The following CAPN15 variants were observed in gnomAD, a reference collection of about 807,000 sequenced individuals.
The protein encoded by CAPN15 is calpain-15.
Under a neutral mutation model 97.9 loss-of-function variants are expected in CAPN15, and 53 were observed. That is an observed-to-expected ratio of 0.54 (90% confidence interval 0.43 to 0.68). The LOEUF is 0.68. Ranked by LOEUF, CAPN15 falls within the 30% of genes least tolerant of loss-of-function variation. CAPN15 has a pLI of 0.00. For missense variants in CAPN15, 1,592 were observed against 1,589.8 expected (o/e 1.00, Z -0.02); for synonymous variants, 922 against 722.5 (o/e 1.28, Z -4.43).
chr16:528,815 C>T, intron 1 of CAPN15: 1 of 951,052 alleles, frequency 1.1e-6, no homozygotes. Flanking sequence ...CCGTTGGGTG[C>T]TGAAGAGTTG....
In CAPN15 at chr16:552,303, G is replaced by T; in HGVS notation, c.2510G>T (p.Arg837Leu). The change falls in exon 11 of 14, where the codon CGC becomes CTC. Residue 837 changes from arginine to leucine, a missense_variant and splice_region_variant. Arg to Leu is a moderately radical substitution (Grantham distance 102, BLOSUM62 -2). This residue lies in a region of CAPN15 where 644 missense variants were observed against 699.6 expected (regional missense o/e 0.92). Coordinates refer to ENST00000219611, the MANE Select transcript of CAPN15 (RefSeq NM_005632.3). This position sits in a 1 kb window ranked among gnomAD's most constrained non-coding sequence, Gnocchi z 6.4. ...EFALFQEGSR[R>L]SDAVDSHLLD... is the part of the protein sequence containing the mutation. ...CTGGCCCGTGGTGTCTGGCGCAGGC[G>T]CTCGGACGCCGTGGACAGCCACCTG... The T allele has an allele frequency of 6.4e-7, 1 of 1,554,384 alleles. No homozygotes were observed. Among genetic ancestry groups the T allele is most frequent in the Non-Finnish European group, 8.7e-7 (1 of 1,154,412 alleles).
In CAPN15 at chr16:554,034, G is replaced by A. The variant is rs565728236; in HGVS notation, c.*518G>A. The A allele has an allele frequency of 6.6e-4, 118 of 178,850 alleles. No individual in the cohort carries two copies. Among genetic ancestry groups the A allele is most frequent in the African/African-American group, 2.0e-3 (85 of 42,138 alleles). 11.1% of individuals were successfully genotyped at this position (178,850 alleles called of 1,614,324 possible). ...GGTGTGGAGCGGCGAGTCCCGGGGC[G>A]GTGCCTGTCTCAGAAGAAGGGGCCC... On this transcript the variant is annotated 3_prime_UTR_variant, in exon 14 of 14. Transcript: ENST00000219611.
chr16:545,374 G>A (rs935820823), intron 3 of CAPN15, among the ~76,000 whole-genome samples: 3 of 147,640 alleles, frequency 2.0e-5, no homozygotes, highest in Non-Finnish European at 3.0e-5. Context: ...CTTCCACCTC[G>A]GCCCACCGAG....
At chr16:548,944 GAGC>G in intron 4 of CAPN15, 46 bp from the exon 5 acceptor site, 1 of 1,573,290 alleles carries the variant, frequency 6.4e-7, no homozygotes, top group Non-Finnish European at 8.7e-7. Flanking sequence ...CTGCCAGGTG[GAGC>G]GAGGCCACCC....
chr16:549,008 G>C lies in CAPN15; in HGVS notation c.1465G>C (p.Val489Leu). Residue 489 changes from valine (V) to leucine (L), a missense_variant, in exon 5 of 14, where the codon GTG (valine) becomes CTG (leucine). Transcript: ENST00000219611. ...GTCTCTGCAGAACAATGTGAGCTTC[G>C]TGGATGACAGCTTCCCTCCCGGGCC... The part of the protein sequence containing the change: ...AFCRENNVSF[V>L]DDSFPPGPES... 1 of 1,612,716 alleles carries C rather than the reference G, an allele frequency of 6.2e-7. No homozygotes were observed. The highest frequency in any genetic ancestry group is 8.5e-7 in the Non-Finnish European group (1 of 1,179,922).
Position 544,707 on chromosome 16 carries a change from CCTCCCCCA to C in CAPN15, c.-22-2108_-22-2101del, listed in dbSNP as rs1567145965. Reference sequence around the variant, plus strand: ...GCGGCCCGTCGCCTCCCCCACGTCGCCTCCCCCACGTCGCCTCCCCCACGTCGCCTCCC... The same window carrying C: ...GCGGCCCGTCGCCTCCCCCACGTCGCCGTCGCCTCCCCCACGTCGCCTCCC... On this transcript the variant is annotated intron_variant, in intron 3 of 13. Transcript: ENST00000219611. 3.7e-3 allele frequency among the ~76,000 whole-genome samples: 416 copies of C among 113,110 alleles called. 18 individuals carry two copies. Among genetic ancestry groups the C allele is most frequent in the African/African-American group, 0.019 (392 of 20,286 alleles). 74.2% of individuals were successfully genotyped at this position (113,110 alleles called of 152,430 possible). A position where few individuals can be genotyped will look rare whatever the true frequency, so the allele number is the denominator to read the frequency against.
rs763452623 is a variant in CAPN15 at position 549,481 on chromosome 16, C to A, written c.1842+10C>A. On this transcript the variant is annotated intron_variant, in intron 6 of 13. Coordinates refer to ENST00000219611, the MANE Select transcript of CAPN15 (RefSeq NM_005632.3). The stretch of plus-strand genomic sequence containing the variant: ...CCTCCTCTTCTCACAGGTGGGGCGG[C>A]CTGCAGGGTGGGCACGGGCGGCAGG... The A allele has an allele frequency of 5.1e-6, 8 of 1,581,376 alleles. No individual in the cohort carries two copies. Among genetic ancestry groups the A allele is most frequent in the Non-Finnish European group, 6.8e-6 (8 of 1,169,944 alleles).
chr16:543,046 G>A (rs1030478997), intron 3 of CAPN15, among the ~76,000 whole-genome samples: 1 of 152,002 alleles, frequency 6.6e-6, no homozygotes, highest in Non-Finnish European at 1.5e-5. Context: ...GTGAGACTCT[G>A]TCTCAAAATA....
intron 3 of CAPN15, 126 bp from the exon 4 acceptor site, chr16:546,691 A>C (rs1003573792): frequency 1.7e-5 from 22 of 1,273,716 alleles, no homozygotes; most frequent in Non-Finnish European, 2.2e-5. Flanking sequence ...TCAAATGCTC[A>C]GCCCTAGGCC....
At chr16:551,240 CG>C in intron 7 of CAPN15, 61 bp from the exon 8 acceptor site, 1 of 1,512,550 alleles carries the variant, frequency 6.6e-7, no homozygotes, top group Non-Finnish European at 8.8e-7. Flanking sequence ...TGAGGGTCCC[CG>C]GTCGGTGAGG....
chr16:549,313 G>A lies in CAPN15; in HGVS notation c.1684G>A (p.Ala562Thr). ...GTTCCTGAGCGCCCTGGCGGTGCTGGCGGAGCGGCCGGACCTGGTGGAGCG... is the reference window on the plus strand; with the variant it reads ...GTTCCTGAGCGCCCTGGCGGTGCTGACGGAGCGGCCGGACCTGGTGGAGCG... ...CWFLSALAVL[A>T]ERPDLVERVM... Residue 562 changes from alanine (A) to threonine (T), a missense_variant, in exon 6 of 14, where the codon GCG becomes ACG. By Grantham distance (58) the Ala-to-Thr change is moderately conservative. Around this residue, in one of 3 missense-constraint regions of CAPN15, gnomAD observed 65 missense variants for 113.7 expected, o/e 0.57. Coordinates refer to ENST00000219611, the MANE Select transcript of CAPN15 (RefSeq NM_005632.3). 6.3e-7 allele frequency: 1 copy of A among 1,592,732 alleles called. No individual in the cohort carries two copies. Among genetic ancestry groups the A allele is most frequent in the Non-Finnish European group, 8.5e-7 (1 of 1,176,366 alleles).
At chr16:536,181 A>T (rs1198937070) in intron 3 of CAPN15, 39 bp downstream of exon 3, 2 of 652,232 alleles carry the variant, frequency 3.1e-6, no homozygotes, top group Non-Finnish European at 3.8e-6. Flanking sequence ...TGGCCGCAGC[A>T]GGCCCTGTCC....
rs749788350 is a variant in CAPN15, at chr16:549,176, C to T, written c.1633C>T (p.Leu545=). The T allele has an allele frequency of 2.3e-6, 3 of 1,332,174 alleles. No homozygotes were observed. In the South Asian group the frequency reaches 3.5e-5, roughly 15 times the overall value. 82.5% of individuals were successfully genotyped at this position (1,332,174 alleles called of 1,614,324 possible). A position where few individuals can be genotyped will look rare whatever the true frequency, so the allele number is the denominator to read the frequency against. Residue 545 remains leucine (L), a synonymous_variant, in exon 5 of 14, where the codon CTG becomes TTG. Coordinates refer to ENST00000219611, the MANE Select transcript of CAPN15 (RefSeq NM_005632.3). ...VFHTLRPSDI[L]QGLLGNCWFL... ...CCACACACTGCGGCCCTCAGACATCCTGCAGGGGCTGCTGGGGAACTGCTG... is the reference window on the plus strand; with the variant it reads ...CCACACACTGCGGCCCTCAGACATCTTGCAGGGGCTGCTGGGGAACTGCTG...
chr16:537,579 C>T (rs905166211), intron 3 of CAPN15: 13 of 324,840 alleles, frequency 4.0e-5, no homozygotes, highest in Admixed American at 1.3e-4. Flanking sequence ...GTGGCACCTC[C>T]GCTAGTCGCC....
chr16:548,346 C>T, intron 4 of CAPN15, 59 bp downstream of exon 4: 1 of 1,410,754 alleles, frequency 7.1e-7, no homozygotes, highest in South Asian at 1.5e-5. Context: ...CCCTCCCCTT[C>T]CTAGGCTTTG....
At chr16:542,913 T>C (rs148294158) in intron 3 of CAPN15, among the ~76,000 whole-genome samples, 4,620 of 152,226 alleles carry the variant, frequency 0.03, 241 homozygotes, top group African/African-American at 0.1. Context: ...TAGCTGGGCG[T>C]GGTGACGGGC....
At chr16:541,068 G>A (rs977543923) in intron 3 of CAPN15, among the ~76,000 whole-genome samples, 1 of 152,240 alleles carries the variant, frequency 6.6e-6, no homozygotes, top group Admixed American at 6.5e-5. Flanking sequence ...CAATGTGCCT[G>A]CGTCTCACAC....
rs758936197 is a variant in CAPN15 at position 546,923 on chromosome 16, C to G, written c.85C>G (p.Pro29Ala). The G allele has an allele frequency of 4.3e-6, 7 of 1,611,052 alleles. No individual in the cohort carries two copies. The highest frequency in any genetic ancestry group is 5.9e-6 in the Non-Finnish European group (7 of 1,179,880). The stretch of plus-strand genomic sequence containing the variant: ...GCGCCAGTGCTCCATCTGCGAGGCT[C>G]CCCGGCACAAGCCCGACCTCAACCA... ...GQRQCSICEA[P>A]RHKPDLNHIL... Residue 29 changes from proline (P) to alanine (A), a missense_variant, in exon 4 of 14, where the codon CCC becomes GCC. By Grantham distance (27) the Pro-to-Ala change is conservative. Coordinates refer to ENST00000219611, the MANE Select transcript of CAPN15 (RefSeq NM_005632.3).
intron 3 of CAPN15, among the ~76,000 whole-genome samples, chr16:542,263 G>A (rs1183618137): frequency 6.6e-6 from 1 of 152,148 alleles, no homozygotes; most frequent in Non-Finnish European, 1.5e-5. Flanking sequence ...GAGGTTTTGC[G>A]TGGACCTGTT....
Sources: gnomAD v4.1 joint callset for allele counts (sites outside exome capture counted in the v4.1 genomes callset) on GRCh38, gnomAD v4.1.1 for gene constraint, gnomAD v4.1.1 regional missense constraint, Gnocchi (gnomAD v3.1) non-coding constraint, MANE v1.5 for transcripts, NCBI Gene and HGNC (gene_info 2026-07-23, HGNC 2026-07-21) for gene names.